SLC9A1: variants seen among roughly 807,000 people sequenced by gnomAD.
SLC9A1 encodes sodium/hydrogen exchanger 1.
SLC9A1 carries 22 observed loss-of-function variants against 67.9 expected under a neutral mutation model. The ratio of observed to expected loss-of-function variants is 0.32; its 90% CI spans 0.23 to 0.46. SLC9A1 has a LOEUF of 0.46. Ranked by LOEUF, SLC9A1 falls within the 20% of genes least tolerant of loss-of-function variation. The pLI is 1.00. For synonymous variants in SLC9A1, 421 were observed against 471.8 expected (o/e 0.89, Z 1.40); for missense variants, 686 against 1,094.8 (o/e 0.63, Z 5.27).
intron 1 of SLC9A1, among the ~76,000 whole-genome samples, chr1:27,125,233 CTTTCT>C (rs2083333390): frequency 2.6e-5 from 2 of 75,502 alleles, no homozygotes; most frequent in African/African-American, 1.0e-4. Context: ...CCTTCCTTTT[CTTTCT>C]TTTTTTTTTT....
chr1:27,136,180 C>A (rs1298043614), intron 1 of SLC9A1, among the ~76,000 whole-genome samples: 1 of 152,238 alleles, frequency 6.6e-6, no homozygotes, highest in East Asian at 1.9e-4. Context: ...GCACACATCC[C>A]TGTGGTTCAG....
intron 1 of SLC9A1, among the ~76,000 whole-genome samples, chr1:27,125,656 G>A (rs371024559): frequency 4.2e-4 from 63 of 151,622 alleles, no homozygotes; most frequent in African/African-American, 1.4e-3. Flanking sequence ...GTGCAGTGGC[G>A]CAATCTTGGC....
At position 27,114,080 on chromosome 1, in the gene SLC9A1, C is replaced by T. The variant is rs150458294; in HGVS notation, c.559G>A (p.Gly187Ser). ...ACCACGGCAAAGATCAGGATGGTGCCCAGGTTTTCTGTGAACTGCCGCAGT... is the reference window on the plus strand; with the variant it reads ...ACCACGGCAAAGATCAGGATGGTGCTCAGGTTTTCTGTGAACTGCCGCAGT... ...LPLRQFTENL[G>S]TILIFAVVGT... is the part of the protein sequence containing the mutation. The change falls in exon 2 of 12, where the codon GGC becomes AGC. Residue 187 changes from glycine to serine, a missense_variant. Gly to Ser is a moderately conservative substitution (Grantham distance 56). Around this residue, in one of 7 missense-constraint regions of SLC9A1, gnomAD observed 49 missense variants for 73.1 expected, o/e 0.67. Coordinates refer to ENST00000263980, the MANE Select transcript of SLC9A1 (RefSeq NM_003047.5). This position sits in a 1 kb window ranked among gnomAD's most constrained non-coding sequence, Gnocchi z 5.4. The T allele has an allele frequency of 6.2e-7, 1 of 1,614,132 alleles. No individual in the cohort carries two copies. Among genetic ancestry groups the T allele is most frequent in the Non-Finnish European group, 8.5e-7 (1 of 1,180,026 alleles).
chr1:27,122,244 C>T lies in SLC9A1; in HGVS notation c.353-7958G>A, dbSNP rs181403144. Among the ~76,000 whole-genome samples, 322 of 152,232 alleles carry T rather than the reference C, an allele frequency of 2.1e-3. 3 individuals are homozygous for T. The highest frequency in any genetic ancestry group is 2.9e-3 in the Non-Finnish European group (197 of 68,010). ...CCCCTCCAAACTGAGGAGCTGTGTT[C>T]GGTGCCTCAGCCAGCCTGGCATCCC... On this transcript the variant is annotated intron_variant, in intron 1 of 11. Coordinates refer to ENST00000263980, the MANE Select transcript of SLC9A1 (RefSeq NM_003047.5).
intron 1 of SLC9A1, among the ~76,000 whole-genome samples, chr1:27,131,973 TATATAA>T (rs2083389454): frequency 3.8e-5 from 5 of 131,442 alleles, no homozygotes; most frequent in Non-Finnish European, 6.4e-5. Flanking sequence ...TATATATATA[TATATAA>T]AATTATGGCT....
chr1:27,129,112 C>T (rs1291247750), intron 1 of SLC9A1, among the ~76,000 whole-genome samples: 2 of 152,214 alleles, frequency 1.3e-5, no homozygotes, highest in Non-Finnish European at 2.9e-5. Flanking sequence ...AAACAGGCAC[C>T]TGAGGGGGAA....
Position 27,109,439 on chromosome 1 carries a change from C to A in SLC9A1, c.1064+88G>T. ...GGAGCTCAAGGCTGGGCCCTGGGAGCTCCGTGAACCTACGAGCCTGGGGAA... is the reference window on the plus strand; with the variant it reads ...GGAGCTCAAGGCTGGGCCCTGGGAGATCCGTGAACCTACGAGCCTGGGGAA... On this transcript the variant is annotated intron_variant, in intron 3 of 11. Transcript: ENST00000263980. The surrounding 1 kb of genome is among the most constrained non-coding windows in gnomAD (Gnocchi z 5.5). The A allele has an allele frequency of 7.1e-7, 1 of 1,416,092 alleles. No homozygotes were observed. The allele number at this position is 1,416,092 out of a possible 1,614,324, so 87.7% of individuals were successfully genotyped here.
chr1:27,113,808 G>C lies in SLC9A1; in HGVS notation c.813+18C>G, dbSNP rs748118426. On this transcript the variant is annotated intron_variant, in intron 2 of 11. Coordinates refer to ENST00000263980, the MANE Select transcript of SLC9A1 (RefSeq NM_003047.5). ...GTTTGTACCGTTTGGACATGGGCAT[G>C]GCCCCTGGCCTCCTCACCACAGTGA... The C allele has an allele frequency of 6.3e-7, 1 of 1,589,850 alleles. No homozygotes were observed. Among genetic ancestry groups the C allele is most frequent in the Non-Finnish European group, 8.6e-7 (1 of 1,161,940 alleles).
intron 1 of SLC9A1, among the ~76,000 whole-genome samples, chr1:27,131,947 A>AAAAAAAAATATATATATATATATATATAT: frequency 1.9e-5 from 1 of 52,124 alleles, no homozygotes; most frequent in African/African-American, 6.3e-5. Context: ...AGAAAAAAAA[A>AAAAAAAAATATATATATATATATATATAT]ATATATATAT....
chr1:27,100,253 C>G lies in SLC9A1; in HGVS notation c.*54G>C. On this transcript the variant is annotated 3_prime_UTR_variant, in exon 12 of 12. Coordinates refer to ENST00000263980, the MANE Select transcript of SLC9A1 (RefSeq NM_003047.5). The surrounding 1 kb of genome is among the most constrained non-coding windows in gnomAD (Gnocchi z 5.6). ...GGGCAAGGGGAGCCCCCAGCAGCCC[C>G]TGCTCTGGTGGAAGAGTCTGTGAGG... 1 of 1,360,508 alleles carries G rather than the reference C, an allele frequency of 7.4e-7. No homozygotes were observed. The highest frequency in any genetic ancestry group is 9.9e-7 in the Non-Finnish European group (1 of 1,010,488). 84.3% of individuals were successfully genotyped at this position (1,360,508 alleles called of 1,614,324 possible). A position where few individuals can be genotyped will look rare whatever the true frequency, so the allele number is the denominator to read the frequency against.
intron 2 of SLC9A1, among the ~76,000 whole-genome samples, chr1:27,112,442 G>A (rs1379782664): frequency 6.6e-6 from 1 of 152,204 alleles, no homozygotes; most frequent in African/African-American, 2.4e-5. Flanking sequence ...GGGTGGGAGT[G>A]TTCTCACAAC....
rs1004756774 is a variant in SLC9A1 at position 27,099,188 on chromosome 1, C to T, written c.*1119G>A. The T allele has an allele frequency of 6.5e-6, 1 of 152,782 alleles. No individual in the cohort carries two copies. Among genetic ancestry groups the T allele is most frequent in the Non-Finnish European group, 1.5e-5 (1 of 68,304 alleles). 9.5% of individuals were successfully genotyped at this position (152,782 alleles called of 1,614,324 possible). A position where few individuals can be genotyped will look rare whatever the true frequency, so the allele number is the denominator to read the frequency against. On this transcript the variant is annotated 3_prime_UTR_variant, in exon 12 of 12. Transcript: ENST00000263980. ...CCCACCGCCTCCACAATGGGCTCCA[C>T]AGCAGGCAGGGTGTGGTACACACAA...
chr1:27,115,119 G>C (rs1248911094), intron 1 of SLC9A1, among the ~76,000 whole-genome samples: 5 of 152,308 alleles, frequency 3.3e-5, no homozygotes, highest in African/African-American at 1.2e-4. Flanking sequence ...AACTAGAATA[G>C]AACACAGGTC....
intron 1 of SLC9A1, among the ~76,000 whole-genome samples, chr1:27,135,749 T>C (rs927876156): frequency 1.4e-4 from 22 of 152,182 alleles, no homozygotes; most frequent in Non-Finnish European, 2.9e-4. Context: ...TGTGGTGTAT[T>C]CATACGAGGC....
intron 8 of SLC9A1, 119 bp downstream of exon 8, chr1:27,102,266 G>T (rs887295783): frequency 4.4e-6 from 6 of 1,362,338 alleles, no homozygotes; most frequent in Admixed American, 1.9e-5. Flanking sequence ...CGAGCCCACA[G>T]CTCTCTTGTC....
rs547182507 is a variant in SLC9A1 at position 27,137,789 on chromosome 1, G to A, written c.352+16194C>T. Among the ~76,000 whole-genome samples, 61 of 152,302 alleles carry A rather than the reference G, an allele frequency of 4.0e-4. 1 individual carries two copies. Among genetic ancestry groups the A allele is most frequent in the Admixed American group, 2.2e-3 (33 of 15,304 alleles). On this transcript the variant is annotated intron_variant, in intron 1 of 11. Transcript: ENST00000263980. This position sits in a 1 kb window ranked among gnomAD's most constrained non-coding sequence, Gnocchi z 4.6. ...CAGGCGCTGAGGCTCAGCAAGGGAGGGGTGGCCAGCAGGAGTCCAGCAGAG... is the reference window on the plus strand; with the variant it reads ...CAGGCGCTGAGGCTCAGCAAGGGAGAGGTGGCCAGCAGGAGTCCAGCAGAG...
At chr1:27,144,110 C>T (rs937670941) in intron 1 of SLC9A1, among the ~76,000 whole-genome samples, 2 of 152,120 alleles carry the variant, frequency 1.3e-5, no homozygotes, top group South Asian at 4.1e-4. Context: ...CCACCCATTC[C>T]CAACACACAT....
intron 1 of SLC9A1, among the ~76,000 whole-genome samples, chr1:27,147,225 G>A (rs564886528): frequency 1.5e-4 from 23 of 149,246 alleles, no homozygotes; most frequent in Admixed American, 6.0e-4. Flanking sequence ...ACTTGAACCC[G>A]GGAGGCGGAG....
intron 1 of SLC9A1, among the ~76,000 whole-genome samples, chr1:27,150,984 G>T (rs1187972094): frequency 6.6e-6 from 1 of 152,174 alleles, no homozygotes; most frequent in African/African-American, 2.4e-5. Context: ...CAGCTCCCAG[G>T]CTCTTGGGTA....
Sources: allele counts gnomAD v4.1 joint callset (sites outside exome capture counted in the v4.1 genomes callset), GRCh38; gene constraint gnomAD v4.1.1; regional missense constraint gnomAD v4.1.1; non-coding constraint Gnocchi (gnomAD v3.1); transcripts MANE v1.5; gene names NCBI Gene and HGNC (gene_info 2026-07-23, HGNC 2026-07-21).